Variants in SH3D19 observed in about 807,000 individuals in gnomAD.
SH3D19 encodes SH3 domain-containing protein 19.
In SH3D19, 58 loss-of-function variants were observed where a neutral mutation model predicts 112.1. The ratio of observed to expected loss-of-function variants is 0.52; its 90% CI spans 0.42 to 0.64. SH3D19 has a LOEUF of 0.64. SH3D19 is among the 30% of genes least tolerant of loss of function. The pLI is 0.00. For missense variants in SH3D19, 1,090 were observed against 1,263.4 expected (o/e 0.86, Z 2.08); for synonymous variants, 391 against 448.5 (o/e 0.87, Z 1.62).
chr4:151,144,432 C>T (rs1266112402), intron 11 of SH3D19: 2 of 682,566 alleles, frequency 2.9e-6, no homozygotes, highest in Non-Finnish European at 5.2e-6. Flanking sequence ...CGCTCTAGAT[C>T]AATGGAGCCT....
rs1225256937 is a variant in SH3D19, at chr4:151,186,794, AT to A, written c.193+628del. Among the ~76,000 whole-genome samples, 713 of 125,772 alleles carry A rather than the reference AT, an allele frequency of 5.7e-3. 4 individuals are homozygous for A. Among genetic ancestry groups the A allele is most frequent in the African/African-American group, 0.014 (474 of 32,986 alleles). The allele number at this position is 125,772 out of a possible 152,430, so 82.5% of individuals were successfully genotyped here. On this transcript the variant is annotated intron_variant, in intron 3 of 19. Transcript: ENST00000604030. ...TCTAACTCTAGAAAATGGTTACATA[AT>A]TTTTTTTTTTTTTTTTTGAGATGGA...
chr4:151,200,721 C>T (rs905421850), intron 2 of SH3D19, among the ~76,000 whole-genome samples: 5 of 152,152 alleles, frequency 3.3e-5, no homozygotes, highest in East Asian at 1.9e-4. Flanking sequence ...TGTTACATTA[C>T]GACAAGAACA....
chr4:151,204,098 C>G (rs1011605223), intron 2 of SH3D19, among the ~76,000 whole-genome samples: 1 of 152,036 alleles, frequency 6.6e-6, no homozygotes, highest in African/African-American at 2.4e-5. Flanking sequence ...GGTATAAATT[C>G]TACTTCTCCA....
chr4:151,256,202 C>T (rs1771903012), intron 1 of SH3D19, among the ~76,000 whole-genome samples: 1 of 152,174 alleles, frequency 6.6e-6, no homozygotes, highest in Admixed American at 6.5e-5. Context: ...TATCCATTCT[C>T]TTCTAAATAG....
chr4:151,212,007 AT>A (rs1165514732), intron 2 of SH3D19, among the ~76,000 whole-genome samples: 1 of 152,138 alleles, frequency 6.6e-6, no homozygotes, highest in Admixed American at 6.5e-5. Context: ...GTAGTATTAT[AT>A]TGGAAGAAGG....
At chr4:151,312,440 G>A (rs1729547721) in intron 1 of SH3D19, among the ~76,000 whole-genome samples, 1 of 152,194 alleles carries the variant, frequency 6.6e-6, no homozygotes, top group Non-Finnish European at 1.5e-5. Context: ...CTGGAAATCT[G>A]AGGGTGGGGT....
chr4:151,182,745 G>A (rs1404086614), intron 3 of SH3D19, among the ~76,000 whole-genome samples: 1 of 152,158 alleles, frequency 6.6e-6, no homozygotes, highest in African/African-American at 2.4e-5. Context: ...GTTGTCTCAT[G>A]CTCTTTGTGC....
chr4:151,301,918 G>C (rs1178547329), intron 1 of SH3D19, among the ~76,000 whole-genome samples: 1 of 152,142 alleles, frequency 6.6e-6, no homozygotes, highest in African/African-American at 2.4e-5. Flanking sequence ...TTTGCAAGGA[G>C]TTTATGAAGA....
intron 4 of SH3D19, among the ~76,000 whole-genome samples, chr4:151,177,475 A>C (rs1760130499): frequency 6.6e-6 from 1 of 152,248 alleles, no homozygotes; most frequent in East Asian, 1.9e-4. Context: ...CAGCCTCCCG[A>C]GCAGCTGGGA....
At chr4:151,164,466 T>C (rs1373865670) in intron 8 of SH3D19, among the ~76,000 whole-genome samples, 1 of 152,168 alleles carries the variant, frequency 6.6e-6, no homozygotes, top group Non-Finnish European at 1.5e-5. Flanking sequence ...AAATATCAGA[T>C]TTCTTTTTGA....
At chr4:151,296,071 A>G (rs1775693748) in intron 1 of SH3D19, among the ~76,000 whole-genome samples, 1 of 151,982 alleles carries the variant, frequency 6.6e-6, no homozygotes, top group South Asian at 2.1e-4. Flanking sequence ...AAAGAAAGAA[A>G]ATCGTTTTTA....
intron 1 of SH3D19, chr4:151,291,083 T>C: frequency 6.6e-7 from 1 of 1,511,924 alleles, no homozygotes. Context: ...TATGCCTCTT[T>C]TCACTATGCT....
chr4:151,267,690 A>T (rs1772918259), intron 1 of SH3D19, among the ~76,000 whole-genome samples: 1 of 152,242 alleles, frequency 6.6e-6, no homozygotes, highest in Admixed American at 6.5e-5. Flanking sequence ...AATAGGGAAG[A>T]ATTCCTTTAG....
chr4:151,224,946 G>C (rs1486014220), intron 2 of SH3D19, among the ~76,000 whole-genome samples: 2 of 152,156 alleles, frequency 1.3e-5, no homozygotes, highest in South Asian at 2.1e-4. Flanking sequence ...AAACTAGTAA[G>C]ATTATACACA....
intron 13 of SH3D19, among the ~76,000 whole-genome samples, chr4:151,139,152 TA>T (rs1335235746): frequency 6.7e-6 from 1 of 150,084 alleles, no homozygotes; most frequent in African/African-American, 2.5e-5. Context: ...TAGTACCCAC[TA>T]TTTTTTTTTT....
chr4:151,154,593 T>C (rs1352963863), intron 9 of SH3D19, among the ~76,000 whole-genome samples: 6 of 150,862 alleles, frequency 4.0e-5, no homozygotes, highest in Non-Finnish European at 8.9e-5. Context: ...TTCTTTTTTT[T>C]TGAGACAGAG....
intron 17 of SH3D19, among the ~76,000 whole-genome samples, chr4:151,131,861 G>GGAAT (rs1369772406): frequency 2.0e-5 from 3 of 151,920 alleles, no homozygotes; most frequent in Non-Finnish European, 4.4e-5. Context: ...GTCTCGCACT[G>GGAAT]CCACCCAGGC....
At chr4:151,265,355 GAA>G (rs775172113) in intron 1 of SH3D19, among the ~76,000 whole-genome samples, 3 of 125,104 alleles carry the variant, frequency 2.4e-5, no homozygotes, top group African/African-American at 2.9e-5. Context: ...TAAATCAGTT[GAA>G]AAAAAAAAAA....
chr4:151,198,384 ATATATAATATATAT>A (rs1763858503), intron 2 of SH3D19, among the ~76,000 whole-genome samples: 1 of 7,336 alleles, frequency 1.4e-4, no homozygotes. Flanking sequence ...AAATTATATA[ATATATAATATATAT>A]CATATATTAT....
Sources: gnomAD v4.1 joint callset for allele counts (sites outside exome capture counted in the v4.1 genomes callset) on GRCh38, gnomAD v4.1.1 for gene constraint, MANE v1.5 for transcripts, NCBI Gene and HGNC (gene_info 2026-07-23, HGNC 2026-07-21) for gene names.